Variants in RGL4 observed in about 807,000 individuals in gnomAD.
The protein encoded by RGL4 is ral guanine nucleotide dissociation stimulator like 4.
RGL4 carries 41 observed loss-of-function variants against 49.6 expected under a neutral mutation model. The ratio of observed to expected loss-of-function variants is 0.83; its 90% CI spans 0.64 to 1.07. The LOEUF (loss-of-function observed/expected upper bound fraction) is 1.07. RGL4 is among the 50% of genes least tolerant of loss of function. The probability of loss-of-function intolerance (pLI) is 0.00; values close to 1 mark genes in which losing one functional copy is unlikely to be tolerated. For synonymous variants in RGL4, 255 were observed against 238.0 expected (o/e 1.07, Z -0.66); for missense variants, 610 against 591.9 (o/e 1.03, Z -0.32).
At chr22:23,695,438 TCTGCTGCTGCTGCTG>T (rs60344348) in intron 6 of RGL4, 82 of 548,580 alleles carry the variant, frequency 1.5e-4, no homozygotes, top group South Asian at 6.9e-4. Context: ...AAGCCAGGCC[TCTGCTGCTGCTGCTG>T]CTGCTGCTGC....
intron 7 of RGL4, 59 bp downstream of exon 7, chr22:23,696,747 C>T: frequency 1.4e-6 from 2 of 1,480,926 alleles, no homozygotes; most frequent in East Asian, 2.3e-5. Context: ...GCTCCCTTCC[C>T]CGCCAGCTGG....
intron 6 of RGL4, among the ~76,000 whole-genome samples, chr22:23,695,917 T>C (rs866418583): frequency 3.9e-5 from 6 of 152,178 alleles, no homozygotes; most frequent in Non-Finnish European, 7.4e-5. Flanking sequence ...TGGGGGATCA[T>C]TGGCGAGGCG....
Sources: allele counts gnomAD v4.1 joint callset (sites outside exome capture counted in the v4.1 genomes callset), GRCh38; gene constraint gnomAD v4.1.1; transcripts MANE v1.5; gene names NCBI Gene and HGNC (gene_info 2026-07-23, HGNC 2026-07-21).